Variants in MSRA observed in about 807,000 individuals in gnomAD.
The protein encoded by MSRA is methionine sulfoxide reductase A.
MSRA carries 54 observed loss-of-function variants against 31.3 expected under a neutral mutation model. That is an observed-to-expected ratio of 1.73 (90% CI 1.39 to 2.17). MSRA has a LOEUF of 2.17. Among genes scored for constraint, MSRA ranks in the 30% most tolerant of loss-of-function variants. The probability of loss-of-function intolerance (pLI) is 0.00; values close to 1 mark genes in which losing one functional copy is unlikely to be tolerated. For synonymous variants in MSRA, 169 were observed against 116.5 expected, an observed-to-expected ratio of 1.45 and a Z score of -2.90; for missense variants, 507 against 300.9, an observed-to-expected ratio of 1.69 and a Z score of -5.07.
chr8:10,079,602 C>G (rs1431943240), intron 1 of MSRA, among the ~76,000 whole-genome samples: 1 of 152,174 alleles, frequency 6.6e-6, no homozygotes, highest in Non-Finnish European at 1.5e-5. Context: ...CATCATGAAG[C>G]TTTGGATCTC....
chr8:10,147,859 C>T (rs554489023), intron 1 of MSRA, among the ~76,000 whole-genome samples: 1 of 152,362 alleles, frequency 6.6e-6, no homozygotes. Context: ...CGCCCTTCGA[C>T]TCTGAGCAGT....
At chr8:10,280,402 A>G (rs1412636275) in intron 3 of MSRA, among the ~76,000 whole-genome samples, 2 of 152,012 alleles carry the variant, frequency 1.3e-5, no homozygotes, top group African/African-American at 4.8e-5. Context: ...CTGTATCCCA[A>G]TCGTTTTGAT....
intron 1 of MSRA, among the ~76,000 whole-genome samples, chr8:10,086,427 A>G (rs1008087986): frequency 6.6e-6 from 1 of 152,220 alleles, no homozygotes; most frequent in African/African-American, 2.4e-5. Context: ...AGTTGGATGT[A>G]TGAGGGCACC....
At chr8:10,358,918 G>T (rs1185182387) in intron 5 of MSRA, among the ~76,000 whole-genome samples, 1 of 152,140 alleles carries the variant, frequency 6.6e-6, no homozygotes, top group African/African-American at 2.4e-5. Flanking sequence ...ACCCTATTGT[G>T]AACTGCACGT....
chr8:10,404,918 C>T (rs796721332), intron 5 of MSRA, among the ~76,000 whole-genome samples: 25 of 152,350 alleles, frequency 1.6e-4, no homozygotes, highest in African/African-American at 6.0e-4. Flanking sequence ...GCACCCACTG[C>T]TCCCCACGAT....
intron 1 of MSRA, among the ~76,000 whole-genome samples, chr8:10,091,607 G>GTT (rs377691325): frequency 5.6e-4 from 77 of 136,360 alleles, no homozygotes; most frequent in African/African-American, 1.3e-3. Context: ...TCATATGGTA[G>GTT]TTTTTTTTTT....
chr8:10,074,635 A>G (rs751989794), intron 1 of MSRA, among the ~76,000 whole-genome samples: 1 of 151,984 alleles, frequency 6.6e-6, no homozygotes, highest in Non-Finnish European at 1.5e-5. Flanking sequence ...GGCTTTATTG[A>G]TAATACACCC....
chr8:10,419,387 C>T (rs190702731), intron 5 of MSRA, among the ~76,000 whole-genome samples: 4 of 151,644 alleles, frequency 2.6e-5, no homozygotes, highest in African/African-American at 9.6e-5. Flanking sequence ...AGATCCCTAA[C>T]TGCTTTGGGT....
chr8:10,115,277 G>A (rs971408899), intron 1 of MSRA, among the ~76,000 whole-genome samples: 10 of 152,318 alleles, frequency 6.6e-5, no homozygotes, highest in African/African-American at 1.4e-4. Flanking sequence ...GAGTAACTGC[G>A]GTCATGGTGT....
intron 2 of MSRA, among the ~76,000 whole-genome samples, chr8:10,232,073 C>T (rs1344939523): frequency 2.6e-5 from 4 of 152,166 alleles, no homozygotes; most frequent in African/African-American, 9.7e-5. Flanking sequence ...TGTGCCACTC[C>T]TCCTATCCAG....
intron 1 of MSRA, among the ~76,000 whole-genome samples, chr8:10,063,400 T>C (rs888361150): frequency 2.6e-5 from 4 of 152,254 alleles, no homozygotes; most frequent in Admixed American, 6.5e-5. Flanking sequence ...AATGACACTC[T>C]TCAATGCTGG....
chr8:10,332,084 C>G (rs1469097328), intron 5 of MSRA, among the ~76,000 whole-genome samples: 1 of 152,158 alleles, frequency 6.6e-6, no homozygotes, highest in Non-Finnish European at 1.5e-5. Context: ...ATCTTCCTTT[C>G]TGTCATGAAT....
At chr8:10,401,388 TCAAAA>T (rs958298144) in intron 5 of MSRA, among the ~76,000 whole-genome samples, 4 of 152,134 alleles carry the variant, frequency 2.6e-5, no homozygotes, top group East Asian at 1.9e-4. Flanking sequence ...ACGGCTATTA[TCAAAA>T]CAAAACAAAA....
At chr8:10,256,716 T>G (rs367956016) in intron 3 of MSRA, among the ~76,000 whole-genome samples, 34 of 152,332 alleles carry the variant, frequency 2.2e-4, no homozygotes, top group African/African-American at 6.3e-4. Context: ...AGTTCAGATT[T>G]GCATGTGTCC....
intron 1 of MSRA, among the ~76,000 whole-genome samples, chr8:10,181,644 C>T (rs907619056): frequency 1.3e-5 from 2 of 151,996 alleles, no homozygotes; most frequent in African/African-American, 4.8e-5. Flanking sequence ...TGGAGAGGAG[C>T]CCAGAGAGAG....
At position 10,309,700 on chromosome 8, in the gene MSRA, G is replaced by A. The variant is rs868256057; in HGVS notation, c.436+8062G>A. ...ACATCCTGGCCTTACCGTGAGCTGGGGATTCTGTGGGGCTCCTCAGCCTGT... is the reference window on the plus strand; with the variant it reads ...ACATCCTGGCCTTACCGTGAGCTGGAGATTCTGTGGGGCTCCTCAGCCTGT... On this transcript the variant is annotated intron_variant, in intron 4 of 5. Coordinates refer to ENST00000317173, the MANE Select transcript of MSRA (RefSeq NM_012331.5). Among the ~76,000 whole-genome samples, 13 of 152,302 alleles carry A rather than the reference G, an allele frequency of 8.5e-5. No individual in the cohort carries two copies. In the South Asian group the frequency reaches 2.5e-3, roughly 29 times the overall value.
rs1346858762 is a variant in MSRA, at chr8:10,145,335, A to AG, written c.143-62498_143-62497insG. Among the ~76,000 whole-genome samples, 4 of 152,250 alleles carry AG rather than the reference A, an allele frequency of 2.6e-5. No homozygotes were observed. The East Asian group carries it at 7.7e-4, about 29-fold the overall frequency. On this transcript the variant is annotated intron_variant, in intron 1 of 5. Transcript: ENST00000317173. The stretch of plus-strand genomic sequence containing the variant: ...AAGGCCAACTGATAAAGGATGGAAT[A>AG]AGACATTTCGGTTAGATAAGGCTCT...
chr8:10,229,717 G>T lies in MSRA; in HGVS notation c.212-15387G>T, dbSNP rs1304074473. 7.9e-5 allele frequency among the ~76,000 whole-genome samples: 12 copies of T among 152,292 alleles called. 1 individual carries two copies. In the South Asian group the frequency reaches 2.5e-3, roughly 32 times the overall value. ...TAGTTTATAGATGAGAAAAAAAAGG[G>T]TTAGAGAGTACAGAGAATTTGCCTG... On this transcript the variant is annotated intron_variant, in intron 2 of 5. Coordinates refer to ENST00000317173, the MANE Select transcript of MSRA (RefSeq NM_012331.5).
chr8:10,210,435 G>A (rs1156838254), intron 2 of MSRA, among the ~76,000 whole-genome samples: 1 of 152,220 alleles, frequency 6.6e-6, no homozygotes, highest in Non-Finnish European at 1.5e-5. Context: ...AGTATGATCT[G>A]CAGCCAGGCC....
Sources: allele counts gnomAD v4.1 joint callset (sites outside exome capture counted in the v4.1 genomes callset), GRCh38; gene constraint gnomAD v4.1.1; transcripts MANE v1.5; gene names NCBI Gene and HGNC (gene_info 2026-07-23, HGNC 2026-07-21).